The following FGF9 variants were observed in gnomAD, a reference collection of about 807,000 sequenced individuals.
The protein encoded by FGF9 is fibroblast growth factor 9.
In FGF9, 3 loss-of-function variants were observed where a neutral mutation model predicts 19.9. That is an observed-to-expected ratio of 0.15 (90% CI 0.07 to 0.39). FGF9 has a LOEUF of 0.39. FGF9 is among the 10% of genes least tolerant of loss of function. FGF9 has a pLI of 1.00. For synonymous variants in FGF9, 107 were observed against 106.9 expected (o/e 1.00, Z -0.01); for missense variants, 175 against 256.8 (o/e 0.68, Z 2.18).
chr13:21,692,399 T>C lies in FGF9; in HGVS notation c.382-8791T>C, dbSNP rs550092057. The stretch of plus-strand genomic sequence containing the variant: ...CTCTCTTTTTCAAGCTGATTTTCAT[T>C]TTGCTGCGTTTTGATGGGAGACTCT... On this transcript the variant is annotated intron_variant, in intron 2 of 2. Coordinates refer to ENST00000382353, the MANE Select transcript of FGF9 (RefSeq NM_002010.3). Among the ~76,000 whole-genome samples the C allele has an allele frequency of 7.2e-5, 11 of 152,300 alleles. No homozygotes were observed. In the East Asian group the frequency reaches 1.9e-3, roughly 27 times the overall value.
At chr13:21,676,227 T>C (rs1278506216) in intron 1 of FGF9, among the ~76,000 whole-genome samples, 1 of 152,150 alleles carries the variant, frequency 6.6e-6, no homozygotes, top group Non-Finnish European at 1.5e-5. Context: ...CCTTTTTGGC[T>C]GGGGTTAGGT....
intron 2 of FGF9, among the ~76,000 whole-genome samples, chr13:21,687,180 T>C (rs1872181351): frequency 6.6e-6 from 1 of 152,202 alleles, no homozygotes. Context: ...GGGGCAGTTT[T>C]TTCTGCTGGG....
chr13:21,673,665 C>G (rs1418615027), intron 1 of FGF9, among the ~76,000 whole-genome samples: 1 of 152,098 alleles, frequency 6.6e-6, no homozygotes, highest in African/African-American at 2.4e-5. Context: ...CCCTGCCTAG[C>G]GTTCGATACC....
intron 2 of FGF9, among the ~76,000 whole-genome samples, chr13:21,685,514 T>C (rs1872137952): frequency 6.6e-6 from 1 of 152,340 alleles, no homozygotes; most frequent in South Asian, 2.1e-4. Flanking sequence ...TATAACGATT[T>C]GATTAGAAGG....
At chr13:21,677,884 T>C (rs754644348) in intron 1 of FGF9, among the ~76,000 whole-genome samples, 15 of 152,198 alleles carry the variant, frequency 9.9e-5, no homozygotes, top group Non-Finnish European at 7.3e-5. Flanking sequence ...TGGAGACTTA[T>C]CTCAGGTATT....
intron 2 of FGF9, among the ~76,000 whole-genome samples, chr13:21,683,202 TA>T: frequency 6.6e-6 from 1 of 152,236 alleles, no homozygotes; most frequent in Non-Finnish European, 1.5e-5. Flanking sequence ...AGAGCATGTC[TA>T]ATTTTGTGTT....
Position 21,672,349 on chromosome 13 carries a change from A to G in FGF9, c.277+160A>G, listed in dbSNP as rs371614291. Among the ~76,000 whole-genome samples the G allele has an allele frequency of 6.0e-5, 9 of 150,944 alleles. No individual in the cohort carries two copies. The highest frequency in any genetic ancestry group is 1.9e-4 in the African/African-American group (8 of 41,080). On this transcript the variant is annotated intron_variant, in intron 1 of 2. Transcript: ENST00000382353. The surrounding 1 kb of genome is among the most constrained non-coding windows in gnomAD (Gnocchi z 4.2). Reference sequence around the variant, plus strand: ...CTCTCTCTCTGTCTTGCCAGCTCCGAAAAAAAAATGCCTCCGGAATTGCAG... The same window carrying G: ...CTCTCTCTCTGTCTTGCCAGCTCCGGAAAAAAAATGCCTCCGGAATTGCAG...
chr13:21,695,896 C>A (rs148415796), intron 2 of FGF9, among the ~76,000 whole-genome samples: 2 of 152,132 alleles, frequency 1.3e-5, no homozygotes, highest in Non-Finnish European at 2.9e-5. Flanking sequence ...GTAGTCTAAG[C>A]GGCCCATTGA....
chr13:21,692,738 CTG>C (rs1872321189), intron 2 of FGF9, among the ~76,000 whole-genome samples: 1 of 152,188 alleles, frequency 6.6e-6, no homozygotes, highest in African/African-American at 2.4e-5. Context: ...CGCACTGACA[CTG>C]TGTTTCTTGC....
At chr13:21,699,207 A>G (rs952005243) in intron 2 of FGF9, among the ~76,000 whole-genome samples, 1 of 152,154 alleles carries the variant, frequency 6.6e-6, no homozygotes, top group African/African-American at 2.4e-5. Flanking sequence ...TGTGGGGTAG[A>G]GCTGCTTCTC....
rs188010757 is a variant in FGF9 at position 21,686,750 on chromosome 13, A to G, written c.381+5605A>G. 2.0e-4 allele frequency among the ~76,000 whole-genome samples: 31 copies of G among 152,326 alleles called. No homozygotes were observed. The Middle Eastern group carries it at 0.01, about 50-fold the overall frequency. ...CACATGGTAAATGTTTGTTGACCCA[A>G]TTATTCACTCCGTCATGAACACGCA... On this transcript the variant is annotated intron_variant, in intron 2 of 2. Transcript: ENST00000382353.
At chr13:21,696,874 G>A (rs368126509) in intron 2 of FGF9, among the ~76,000 whole-genome samples, 2 of 152,208 alleles carry the variant, frequency 1.3e-5, no homozygotes, top group Non-Finnish European at 2.9e-5. Context: ...TCCCCAATAA[G>A]AGGAAGAAAT....
intron 2 of FGF9, among the ~76,000 whole-genome samples, chr13:21,694,685 G>A (rs1223559333): frequency 1.3e-5 from 2 of 151,814 alleles, no homozygotes; most frequent in Non-Finnish European, 2.9e-5. Flanking sequence ...TGTTATATGT[G>A]ATTTTTTTTT....
intron 1 of FGF9, among the ~76,000 whole-genome samples, chr13:21,678,208 A>G (rs1871958586): frequency 6.6e-6 from 1 of 152,262 alleles, no homozygotes; most frequent in African/African-American, 2.4e-5. Context: ...AATGCCAGAA[A>G]AAGAAACGAG....
chr13:21,677,447 T>C (rs1411497687), intron 1 of FGF9, among the ~76,000 whole-genome samples: 1 of 152,176 alleles, frequency 6.6e-6, no homozygotes, highest in Non-Finnish European at 1.5e-5. Context: ...TGCCCAGTCA[T>C]GTGAGCAGAT....
Position 21,671,720 on chromosome 13 carries a change from C to T in FGF9, c.-193C>T. 2 of 656,238 alleles carry T rather than the reference C, an allele frequency of 3.0e-6. No homozygotes were observed. Among genetic ancestry groups the T allele is most frequent in the Non-Finnish European group, 5.3e-6 (2 of 378,362 alleles). The allele number at this position is 656,238 out of a possible 1,614,324, so 40.7% of individuals were successfully genotyped here. On this transcript the variant is annotated 5_prime_UTR_variant, in exon 1 of 3. Coordinates refer to ENST00000382353, the MANE Select transcript of FGF9 (RefSeq NM_002010.3). ...TTTCTTAGACTATCAGTGGTTTGAC[C>T]TTGAACCTGTGCCAGTGAAACAGCA...
intron 2 of FGF9, among the ~76,000 whole-genome samples, chr13:21,690,275 C>CACA (rs1872256285): frequency 6.6e-6 from 1 of 152,160 alleles, no homozygotes; most frequent in Non-Finnish European, 1.5e-5. Flanking sequence ...CTCCCATTCA[C>CACA]ACAAGTACTC....
intron 2 of FGF9, among the ~76,000 whole-genome samples, chr13:21,692,028 T>A (rs1872303274): frequency 6.6e-6 from 1 of 151,830 alleles, no homozygotes; most frequent in Non-Finnish European, 1.5e-5. Flanking sequence ...TGAAGTTTGC[T>A]GCTTCTTTGT....
At chr13:21,700,462 C>T (rs949002549) in intron 2 of FGF9, among the ~76,000 whole-genome samples, 4 of 152,126 alleles carry the variant, frequency 2.6e-5, no homozygotes, top group Non-Finnish European at 5.9e-5. Context: ...CAGAAGTCTG[C>T]ATCTTGAAAA....
Sources: allele counts gnomAD v4.1 joint callset (sites outside exome capture counted in the v4.1 genomes callset), GRCh38; gene constraint gnomAD v4.1.1; non-coding constraint Gnocchi (gnomAD v3.1); transcripts MANE v1.5; gene names NCBI Gene and HGNC (gene_info 2026-07-23, HGNC 2026-07-21).